The following RHBDD1 variants were observed in gnomAD, a reference collection of about 807,000 sequenced individuals.
RHBDD1 encodes rhomboid-related protein 4.
Under a neutral mutation model 36.3 loss-of-function variants are expected in RHBDD1, and 38 were observed. That is an observed-to-expected ratio of 1.05 (90% CI 0.81 to 1.37). The LOEUF is 1.37. RHBDD1 is among the 40% of genes most tolerant of loss of function. RHBDD1 has a pLI of 0.00. For synonymous variants in RHBDD1, 151 were observed against 136.5 expected (o/e 1.11, Z -0.74); for missense variants, 393 against 377.6 (o/e 1.04, Z -0.34).
At chr2:226,970,481 G>A (rs1365904154) in intron 8 of RHBDD1, among the ~76,000 whole-genome samples, 1 of 152,134 alleles carries the variant, frequency 6.6e-6, no homozygotes, top group Non-Finnish European at 1.5e-5. Context: ...CCTGGTTTGT[G>A]TGTGAATTTG....
chr2:226,841,999 T>C (rs960730238), intron 3 of RHBDD1, among the ~76,000 whole-genome samples: 7 of 152,230 alleles, frequency 4.6e-5, no homozygotes, highest in Admixed American at 2.6e-4. Context: ...CTGACTGGCA[T>C]GAGATAGTAT....
intron 8 of RHBDD1, among the ~76,000 whole-genome samples, chr2:226,974,766 G>C (rs1954256019): frequency 6.6e-6 from 1 of 152,146 alleles, no homozygotes; most frequent in South Asian, 2.1e-4. Context: ...TGCAGGCTGA[G>C]AGTCGTGAAC....
intron 5 of RHBDD1, among the ~76,000 whole-genome samples, chr2:226,874,555 G>A (rs1414206501): frequency 6.6e-6 from 1 of 152,094 alleles, no homozygotes; most frequent in African/African-American, 2.4e-5. Context: ...GCTTGGGGCT[G>A]CATCACTCCA....
At chr2:226,838,612 G>A (rs984478387) in intron 2 of RHBDD1, among the ~76,000 whole-genome samples, 6 of 152,068 alleles carry the variant, frequency 3.9e-5, no homozygotes, top group East Asian at 1.9e-4. Flanking sequence ...GTTGTGTGTC[G>A]GACAAAGGGA....
the RHBDD1 span, among the ~76,000 whole-genome samples, chr2:226,813,449 G>A: frequency 6.6e-6 from 1 of 152,132 alleles, no homozygotes; most frequent in Non-Finnish European, 1.5e-5. Flanking sequence ...ACTGGAGACA[G>A]GGGGGCTATT....
upstream of RHBDD1, chr2:226,835,641 AC>A (rs1281951527): frequency 2.0e-5 from 3 of 152,290 alleles, no homozygotes; most frequent in East Asian, 5.8e-4. Context: ...CCGGCAGAGA[AC>A]CTGGGCAGAG....
chr2:226,992,351 C>T (rs1575578521), intron 8 of RHBDD1, among the ~76,000 whole-genome samples: 2 of 152,326 alleles, frequency 1.3e-5, no homozygotes, highest in Admixed American at 1.3e-4. Flanking sequence ...CTCAGATCAA[C>T]TCATATTCAA....
At chr2:226,895,788 T>C (rs1206678147) in intron 5 of RHBDD1, 10 of 985,294 alleles carry the variant, frequency 1.0e-5, no homozygotes, top group African/African-American at 1.7e-5. Context: ...GAAGGTGTTC[T>C]TAACAACTCA....
intron 4 of RHBDD1, among the ~76,000 whole-genome samples, chr2:226,866,410 G>A (rs1380727027): frequency 6.6e-6 from 1 of 151,804 alleles, no homozygotes; most frequent in Non-Finnish European, 1.5e-5. Flanking sequence ...TTTTTTTTCT[G>A]ACCACCTGCT....
the RHBDD1 span, among the ~76,000 whole-genome samples, chr2:226,801,333 G>T: frequency 1.3e-5 from 2 of 152,194 alleles, no homozygotes; most frequent in Non-Finnish European, 2.9e-5. Flanking sequence ...GAAGGTGGGG[G>T]TAGAAGGGTT....
At chr2:226,884,598 T>C (rs1311458141) in intron 5 of RHBDD1, among the ~76,000 whole-genome samples, 1 of 152,230 alleles carries the variant, frequency 6.6e-6, no homozygotes, top group Non-Finnish European at 1.5e-5. Context: ...CAGTAATTTA[T>C]ATTGCCATAG....
At chr2:226,963,841 C>T (rs1318029927) in intron 8 of RHBDD1, among the ~76,000 whole-genome samples, 2 of 152,086 alleles carry the variant, frequency 1.3e-5, no homozygotes, top group Non-Finnish European at 2.9e-5. Flanking sequence ...CACCCCTAGG[C>T]AATGCCCCCA....
chr2:226,982,083 C>T (rs757889695), intron 8 of RHBDD1, among the ~76,000 whole-genome samples: 1 of 152,206 alleles, frequency 6.6e-6, no homozygotes, highest in Non-Finnish European at 1.5e-5. Flanking sequence ...TTCCCCCCGC[C>T]CTCTTTTCTT....
intron 5 of RHBDD1, among the ~76,000 whole-genome samples, chr2:226,888,173 T>C (rs996083536): frequency 6.6e-6 from 1 of 152,174 alleles, no homozygotes; most frequent in Non-Finnish European, 1.5e-5. Flanking sequence ...GTGAGCAGCA[T>C]TGGTGGAATA....
chr2:226,974,857 G>A (rs558548913), intron 8 of RHBDD1, among the ~76,000 whole-genome samples: 9 of 152,202 alleles, frequency 5.9e-5, no homozygotes, highest in Admixed American at 1.3e-4. Flanking sequence ...CAGGTACCTC[G>A]CCAGTGCGTG....
At chr2:226,868,592 A>T (rs1944529448) in intron 5 of RHBDD1, among the ~76,000 whole-genome samples, 1 of 152,142 alleles carries the variant, frequency 6.6e-6, no homozygotes, top group African/African-American at 2.4e-5. Flanking sequence ...AAGAAGGAAG[A>T]TTTCTATTTG....
Position 226,906,820 on chromosome 2 carries a change from G to C in RHBDD1, c.594G>C (p.Gly198=). 1 of 1,614,086 alleles carries C rather than the reference G, an allele frequency of 6.2e-7. No homozygotes were observed. Among genetic ancestry groups the C allele is most frequent in the Non-Finnish European group, 8.5e-7 (1 of 1,179,982 alleles). Residue 198 remains glycine (G), a synonymous_variant, in exon 6 of 9, where the codon GGG becomes GGC. Transcript: ENST00000392062. ...PGTSFAGHLA[G]ILVGLMYTQG... ...CTTCCTTCGCTGGGCATCTGGCTGG[G>C]ATTCTTGTTGGACTAATGTACACTC...
At chr2:226,925,598 C>T (rs1949615372) in intron 8 of RHBDD1, among the ~76,000 whole-genome samples, 1 of 152,100 alleles carries the variant, frequency 6.6e-6, no homozygotes, top group African/African-American at 2.4e-5. Context: ...TTGATTCTTA[C>T]ACTTAGACAA....
At chr2:226,975,453 C>G (rs926295323) in intron 8 of RHBDD1, among the ~76,000 whole-genome samples, 9 of 152,254 alleles carry the variant, frequency 5.9e-5, no homozygotes, top group African/African-American at 2.2e-4. Context: ...TGAGGGAGGG[C>G]CCCACTCCTA....
Sources: gnomAD v4.1 joint callset for allele counts (sites outside exome capture counted in the v4.1 genomes callset) on GRCh38, gnomAD v4.1.1 for gene constraint, MANE v1.5 for transcripts, NCBI Gene and HGNC (gene_info 2026-07-23, HGNC 2026-07-21) for gene names.